The following EDN3 variants were observed in gnomAD, a reference collection of about 807,000 sequenced individuals.
EDN3 encodes endothelin-3.
Under a neutral mutation model 21.4 loss-of-function variants are expected in EDN3, and 9 were observed. The observed-to-expected ratio is 0.42, with a 90% confidence interval of 0.25 to 0.73. The LOEUF is 0.73. EDN3 is among the 30% of genes least tolerant of loss of function. The pLI, the probability that EDN3 is intolerant of heterozygous loss-of-function variation, is 0.26. For synonymous variants in EDN3, 133 were observed against 126.2 expected, an observed-to-expected ratio of 1.05 and a Z score of -0.36; for missense variants, 327 against 309.4, an observed-to-expected ratio of 1.06 and a Z score of -0.43.
At chr20:59,319,599 G>T (rs1049704007) in intron 2 of EDN3, among the ~76,000 whole-genome samples, 6 of 151,942 alleles carry the variant, frequency 3.9e-5, no homozygotes, top group African/African-American at 1.5e-4. Flanking sequence ...GGTGGCACAT[G>T]CCTGTAGTCC....
intron 2 of EDN3, among the ~76,000 whole-genome samples, chr20:59,313,650 A>G (rs967726547): frequency 6.6e-6 from 1 of 152,182 alleles, no homozygotes; most frequent in African/African-American, 2.4e-5. Flanking sequence ...CGGGAGATGG[A>G]CTTCCCACCT....
chr20:59,325,944 T>A lies in EDN3; in HGVS notation c.*1485T>A, dbSNP rs1279970464. On this transcript the variant is annotated 3_prime_UTR_variant, in exon 5 of 5. Transcript: ENST00000337938. ...AGAAACCCATCAATTGCTCAAATAC[T>A]CAGAAAGTACTGTCAAAAGCCTAAT... 2 of 152,202 alleles carry A rather than the reference T, an allele frequency of 1.3e-5. No homozygotes were observed. Among genetic ancestry groups the A allele is most frequent in the South Asian group, 2.1e-4 (1 of 4,830 alleles). The allele number at this position is 152,202 out of a possible 1,614,324, so 9.4% of individuals were successfully genotyped here.
intron 2 of EDN3, 111 bp downstream of exon 2, chr20:59,301,833 G>T (rs1989067488): frequency 6.3e-6 from 8 of 1,268,386 alleles, no homozygotes; most frequent in Non-Finnish European, 9.2e-6. Flanking sequence ...CCCAGAGCCT[G>T]CCCTGGCACA....
At chr20:59,324,251 T>A (rs1237637510) in intron 4 of EDN3, 80 bp from the exon 5 acceptor site, 1 of 1,585,964 alleles carries the variant, frequency 6.3e-7, no homozygotes, top group Non-Finnish European at 8.7e-7. Flanking sequence ...GTTCCCTTTT[T>A]CAGCTTCACA....
In EDN3 at chr20:59,324,671, G is replaced by A. The variant is rs1163944123; in HGVS notation, c.*212G>A. On this transcript the variant is annotated 3_prime_UTR_variant, in exon 5 of 5. Transcript: ENST00000337938. The stretch of plus-strand genomic sequence containing the variant: ...CCTAATGAGTAAAATGATCCCAGAT[G>A]TGCCCCAGAGCATGACGCCTGCAGC... 6.1e-6 allele frequency: 4 copies of A among 654,502 alleles called. No individual in the cohort carries two copies. Among genetic ancestry groups the A allele is most frequent in the African/African-American group, 5.4e-5 (3 of 55,190 alleles). 40.5% of individuals were successfully genotyped at this position (654,502 alleles called of 1,614,324 possible).
intron 2 of EDN3, among the ~76,000 whole-genome samples, chr20:59,316,919 T>C (rs1990222619): frequency 1.3e-5 from 2 of 152,250 alleles, no homozygotes. Flanking sequence ...GGATTAATCT[T>C]CTCACCTGCT....
In EDN3 at chr20:59,322,593, G is replaced by A. The variant is rs1990619541; in HGVS notation, c.588+176G>A. ...ATGGTGCCTTTGGTGGACCGTTTCT[G>A]GGGGCAGAGCGGGCTGAAGCTGTGG... is the stretch of plus-strand genomic sequence containing the variant. On this transcript the variant is annotated intron_variant, in intron 4 of 4. Transcript: ENST00000337938. This position sits in a 1 kb window ranked among gnomAD's most constrained non-coding sequence, Gnocchi z 4.1. 2.3e-6 allele frequency: 2 copies of A among 884,532 alleles called. No individual in the cohort carries two copies. 54.8% of individuals were successfully genotyped at this position (884,532 alleles called of 1,614,324 possible). A position where few individuals can be genotyped will look rare whatever the true frequency, so the allele number is the denominator to read the frequency against.
intron 2 of EDN3, 71 bp downstream of exon 2, chr20:59,301,793 C>A (rs1989062249): frequency 6.6e-7 from 1 of 1,522,372 alleles, no homozygotes; most frequent in Non-Finnish European, 9.1e-7. Flanking sequence ...CCCAGGAGGA[C>A]CTCACTCCAC....
chr20:59,316,720 A>T lies in EDN3; in HGVS notation c.366-4297A>T, dbSNP rs373549851. ...ATTTAATATTTAATAACACTTATACATGATGTTTGGGAAAACGTGACAAAT... is the reference window on the plus strand; with the variant it reads ...ATTTAATATTTAATAACACTTATACTTGATGTTTGGGAAAACGTGACAAAT... On this transcript the variant is annotated intron_variant, in intron 2 of 4. Transcript: ENST00000337938. Among the ~76,000 whole-genome samples, 4 of 152,382 alleles carry T rather than the reference A, an allele frequency of 2.6e-5. No individual in the cohort carries two copies. The East Asian group carries it at 7.7e-4, about 29-fold the overall frequency.
intron 2 of EDN3, among the ~76,000 whole-genome samples, chr20:59,314,189 C>G (rs1568836722): frequency 1.3e-5 from 2 of 152,168 alleles, no homozygotes; most frequent in Non-Finnish European, 2.9e-5. Flanking sequence ...GGAAAGGACT[C>G]CAGCCAGCTT....
At chr20:59,319,543 C>T (rs1246552939) in intron 2 of EDN3, among the ~76,000 whole-genome samples, 1 of 151,818 alleles carries the variant, frequency 6.6e-6, no homozygotes, top group Non-Finnish European at 1.5e-5. Context: ...AACCCTGTCT[C>T]TACTAAAAAT....
rs11481438 is a variant in EDN3, at chr20:59,322,931, A to AT, written c.588+522dup. On this transcript the variant is annotated intron_variant, in intron 4 of 4. Transcript: ENST00000337938. This position sits in a 1 kb window ranked among gnomAD's most constrained non-coding sequence, Gnocchi z 4.1. ...CCTTGGTTCTCCAGTTCATTGTATT[A>AT]TTTTTTTTAACCCACTTGTCTTTTT... Among the ~76,000 whole-genome samples, 21,313 of 151,894 alleles carry AT rather than the reference A, an allele frequency of 0.14. 1,829 individuals carry two copies. Among genetic ancestry groups the AT allele is most frequent in the Non-Finnish European group, 0.19 (12,578 of 67,922 alleles).
Position 59,325,085 on chromosome 20 carries a change from G to A in EDN3, c.*626G>A, listed in dbSNP as rs1446159321. ...GAAGAAAAAAGGATCCTTGATGTTTGTGACAAGAAAATGAGAAAGTTAGTA... is the reference window on the plus strand; with the variant it reads ...GAAGAAAAAAGGATCCTTGATGTTTATGACAAGAAAATGAGAAAGTTAGTA... On this transcript the variant is annotated 3_prime_UTR_variant, in exon 5 of 5. Transcript: ENST00000337938. 1 of 158,880 alleles carries A rather than the reference G, an allele frequency of 6.3e-6. No individual in the cohort carries two copies. The highest frequency in any genetic ancestry group is 1.8e-4 in the East Asian group (1 of 5,496). The allele number at this position is 158,880 out of a possible 1,614,324, so 9.8% of individuals were successfully genotyped here. A position where few individuals can be genotyped will look rare whatever the true frequency, so the allele number is the denominator to read the frequency against.
intron 2 of EDN3, among the ~76,000 whole-genome samples, chr20:59,318,827 A>G (rs760334549): frequency 6.6e-6 from 1 of 152,226 alleles, no homozygotes; most frequent in African/African-American, 2.4e-5. Context: ...CAAATGCATA[A>G]TCAGCTGACA....
At chr20:59,316,767 A>T (rs1222018101) in intron 2 of EDN3, among the ~76,000 whole-genome samples, 1 of 152,158 alleles carries the variant, frequency 6.6e-6, no homozygotes, top group Non-Finnish European at 1.5e-5. Context: ...GATAAAAAAG[A>T]CTCTGTTGTC....
At chr20:59,318,915 G>A (rs1157406507) in intron 2 of EDN3, among the ~76,000 whole-genome samples, 2 of 152,194 alleles carry the variant, frequency 1.3e-5, no homozygotes, top group African/African-American at 4.8e-5. Flanking sequence ...TTTTCTCCAA[G>A]AAATGGGGGG....
chr20:59,318,298 A>T (rs1285418918), intron 2 of EDN3, among the ~76,000 whole-genome samples: 2 of 152,212 alleles, frequency 1.3e-5, no homozygotes, highest in African/African-American at 4.8e-5. Context: ...CAGAGAAGGT[A>T]CTGGGCCTCC....
Position 59,300,709 on chromosome 20 carries a change from C to G in EDN3, c.-104C>G. ...GCGAGCGATCGGCCGGCCTCGAACC[C>G]CCACAGCTGGAGGGCGAGGCCAGCT... On this transcript the variant is annotated 5_prime_UTR_variant, in exon 1 of 5. Coordinates refer to ENST00000337938, the MANE Select transcript of EDN3 (RefSeq NM_207034.3). 7.9e-7 allele frequency: 1 copy of G among 1,258,040 alleles called. No individual in the cohort carries two copies. The highest frequency in any genetic ancestry group is 1.1e-6 in the Non-Finnish European group (1 of 894,390). The allele number at this position is 1,258,040 out of a possible 1,614,324, so 77.9% of individuals were successfully genotyped here. A position where few individuals can be genotyped will look rare whatever the true frequency, so the allele number is the denominator to read the frequency against.
In EDN3 at chr20:59,301,448, C is replaced by A. The variant is rs770621680; in HGVS notation, c.91C>A (p.Arg31Ser). The A allele has an allele frequency of 3.7e-6, 6 of 1,613,012 alleles. No homozygotes were observed. The highest frequency in any genetic ancestry group is 5.1e-6 in the Non-Finnish European group (6 of 1,180,018). The change falls in exon 2 of 5, where the codon CGC (arginine) becomes AGC (serine). Residue 31 changes from arginine (R) to serine (S), a missense_variant. By Grantham distance (110) the Arg-to-Ser change is moderately radical. Coordinates refer to ENST00000337938, the MANE Select transcript of EDN3 (RefSeq NM_207034.3). ...PCSQSGDAGR[R>S]GVSQAPTAAR... ...CTCCCAGTCTGGGGATGCTGGCAGGCGCGGCGTGTCCCAGGCCCCCACTGC... is the reference window on the plus strand; with the variant it reads ...CTCCCAGTCTGGGGATGCTGGCAGGAGCGGCGTGTCCCAGGCCCCCACTGC...
Sources: gnomAD v4.1 joint callset for allele counts (sites outside exome capture counted in the v4.1 genomes callset) on GRCh38, gnomAD v4.1.1 for gene constraint, Gnocchi (gnomAD v3.1) non-coding constraint, MANE v1.5 for transcripts, NCBI Gene and HGNC (gene_info 2026-07-23, HGNC 2026-07-21) for gene names.